The following NRG4 variants were observed in gnomAD, a reference collection of about 807,000 sequenced individuals.
NRG4 encodes pro-neuregulin-4, membrane-bound isoform.
NRG4 carries 10 observed loss-of-function variants against 15.0 expected under a neutral mutation model. The observed-to-expected ratio is 0.67, with a 90% confidence interval of 0.41 to 1.13. The LOEUF (loss-of-function observed/expected upper bound fraction) is 1.13. Among genes scored for constraint, NRG4 ranks in the 50% most tolerant of loss-of-function variants. NRG4 has a pLI of 0.00. For synonymous variants in NRG4, 41 were observed against 50.1 expected (o/e 0.82, Z 0.77); for missense variants, 139 against 140.2 (o/e 0.99, Z 0.04).
intron 5 of NRG4, among the ~76,000 whole-genome samples, chr15:76,020,093 T>C (rs2035106650): frequency 6.6e-6 from 1 of 152,210 alleles, no homozygotes; most frequent in Non-Finnish European, 1.5e-5. Flanking sequence ...ACTATTGTAA[T>C]TGTTTTGGGG....
upstream of NRG4, among the ~76,000 whole-genome samples, chr15:76,016,454 G>T (rs1341577282): frequency 6.6e-6 from 1 of 152,082 alleles, no homozygotes; most frequent in African/African-American, 2.4e-5. Context: ...GATCTTTCCT[G>T]CTTTCTCTTG....
chr15:75,949,729 T>C (rs887213233), intron 5 of NRG4, among the ~76,000 whole-genome samples: 1 of 152,250 alleles, frequency 6.6e-6, no homozygotes, highest in South Asian at 2.1e-4. Context: ...TTAGCTCTTA[T>C]ATTTAGACCC....
rs73449064 is a variant in NRG4, at chr15:75,971,353, G to T, written c.105-9379C>A. The T allele has an allele frequency of 2.7e-3, 844 of 308,218 alleles. 4 individuals carry two copies. Among genetic ancestry groups the T allele is most frequent in the African/African-American group, 0.018 (771 of 43,952 alleles). The allele number at this position is 308,218 out of a possible 1,614,324, so 19.1% of individuals were successfully genotyped here. A position where few individuals can be genotyped will look rare whatever the true frequency, so the allele number is the denominator to read the frequency against. On this transcript the variant is annotated intron_variant, in intron 3 of 5. Coordinates refer to ENST00000394907, the MANE Select transcript of NRG4 (RefSeq NM_138573.4). ...ATTGGGTGAGATGACAGAGACTCTG[G>T]TTATACTTAAAAAAAAATTTGTCTA...
At chr15:75,959,777 T>G (rs1162728261) in intron 4 of NRG4, among the ~76,000 whole-genome samples, 1 of 152,198 alleles carries the variant, frequency 6.6e-6, no homozygotes, top group Non-Finnish European at 1.5e-5. Context: ...AGCTACCATG[T>G]CCAGCCACCT....
rs60453624 is a variant in NRG4, at chr15:75,993,392, T to TAA, written c.104+15806_104+15807dup. The stretch of plus-strand genomic sequence containing the variant: ...ATTTGACAAGTCACTGAGGATTCTG[T>TAA]AAAAAAAAAAAAAAAAAAAAAAAAA... On this transcript the variant is annotated intron_variant, in intron 3 of 5. Coordinates refer to ENST00000394907, the MANE Select transcript of NRG4 (RefSeq NM_138573.4). Among the ~76,000 whole-genome samples, 259 of 72,122 alleles carry TAA rather than the reference T, an allele frequency of 3.6e-3. 3 individuals are homozygous for TAA. Among genetic ancestry groups the TAA allele is most frequent in the Middle Eastern group, 7.7e-3 (1 of 130 alleles). The allele number at this position is 72,122 out of a possible 152,430, so 47.3% of individuals were successfully genotyped here. A position where few individuals can be genotyped will look rare whatever the true frequency, so the allele number is the denominator to read the frequency against.
At chr15:76,026,572 TACTACAC>T (rs2035320653) in intron 5 of NRG4, among the ~76,000 whole-genome samples, 1 of 152,106 alleles carries the variant, frequency 6.6e-6, no homozygotes, top group Non-Finnish European at 1.5e-5. Context: ...AAAAGACAAT[TACTACAC>T]TCATAAAAAC....
chr15:76,028,132 T>C (rs2035364411), intron 5 of NRG4, among the ~76,000 whole-genome samples: 1 of 150,074 alleles, frequency 6.7e-6, no homozygotes, highest in Non-Finnish European at 1.5e-5. Context: ...AAGAAAAAAA[T>C]CAAACTCAAA....
At chr15:76,014,223 C>T (rs990250500), upstream of NRG4, among the ~76,000 whole-genome samples, 3 of 151,884 alleles carry the variant, frequency 2.0e-5, no homozygotes, top group Non-Finnish European at 4.4e-5. Flanking sequence ...GTTTAAGTTC[C>T]TTGTAGATTC....
intron 4 of NRG4, among the ~76,000 whole-genome samples, chr15:76,047,635 G>A (rs1488894882): frequency 6.7e-6 from 1 of 149,766 alleles, no homozygotes; most frequent in Admixed American, 6.6e-5. Flanking sequence ...GGAGAGGGAA[G>A]GATAAAGGGT....
chr15:75,980,268 G>GTCT (rs2033551127), intron 3 of NRG4, among the ~76,000 whole-genome samples: 1 of 152,084 alleles, frequency 6.6e-6, no homozygotes, highest in African/African-American at 2.4e-5. Flanking sequence ...TTTCCAAAAT[G>GTCT]TCTGGACTCC....
At chr15:75,944,694 C>A (rs1259355785) in intron 5 of NRG4, among the ~76,000 whole-genome samples, 1 of 152,162 alleles carries the variant, frequency 6.6e-6, no homozygotes, top group Non-Finnish European at 1.5e-5. Flanking sequence ...AATCGGCTCT[C>A]CTCATCAGAG....
rs149454492 is a variant in NRG4, at chr15:75,969,588, A to G, written c.105-7614T>C. On this transcript the variant is annotated intron_variant, in intron 3 of 5. Transcript: ENST00000394907. ...AGTAAGACAAACTCAGGTAAAGAGA[A>G]GTAGACCTAAGAGAGCAGGTACGTT... Among the ~76,000 whole-genome samples, 755 of 152,366 alleles carry G rather than the reference A, an allele frequency of 5.0e-3. 8 individuals are homozygous for G. The highest frequency in any genetic ancestry group is 0.017 in the African/African-American group (714 of 41,584).
At chr15:75,959,042 G>A (rs1001707706) in intron 4 of NRG4, 4 of 273,020 alleles carry the variant, frequency 1.5e-5, no homozygotes, top group Admixed American at 1.4e-4. Context: ...GTGCAGTAGT[G>A]CAGTCATGGC....
At chr15:75,954,099 A>G (rs1225932563) in intron 5 of NRG4, among the ~76,000 whole-genome samples, 1 of 152,062 alleles carries the variant, frequency 6.6e-6, no homozygotes, top group African/African-American at 2.4e-5. Context: ...GGGACTCAAC[A>G]TTATGCCACC....
chr15:76,013,746 G>A (rs1301423503), upstream of NRG4, among the ~76,000 whole-genome samples: 1 of 152,118 alleles, frequency 6.6e-6, no homozygotes, highest in Non-Finnish European at 1.5e-5. Flanking sequence ...CTATCATTGA[G>A]GGGAATTTGG....
At chr15:76,037,723 T>C (rs2035626834) in intron 4 of NRG4, among the ~76,000 whole-genome samples, 2 of 151,722 alleles carry the variant, frequency 1.3e-5, no homozygotes, top group African/African-American at 4.8e-5. Flanking sequence ...CCTAAGGGAG[T>C]GCTTGCACTA....
chr15:76,021,183 T>C (rs2141927487), intron 5 of NRG4, among the ~76,000 whole-genome samples: 1 of 152,336 alleles, frequency 6.6e-6, no homozygotes, highest in Non-Finnish European at 1.5e-5. Context: ...GCCTGTGCTG[T>C]ATAAACAGAA....
At chr15:75,971,216 T>C (rs772156935) in intron 3 of NRG4, 3 of 455,828 alleles carry the variant, frequency 6.6e-6, no homozygotes, top group Non-Finnish European at 1.3e-5. Context: ...TTGTGACATC[T>C]ATTGGTTCCC....
At chr15:75,968,311 G>A (rs551634886) in intron 3 of NRG4, among the ~76,000 whole-genome samples, 1 of 152,286 alleles carries the variant, frequency 6.6e-6, no homozygotes, top group East Asian at 1.9e-4. Flanking sequence ...TCTAAGGCTG[G>A]GTGTGGTGGC....
Sources: gnomAD v4.1 joint callset for allele counts (sites outside exome capture counted in the v4.1 genomes callset) on GRCh38, gnomAD v4.1.1 for gene constraint, MANE v1.5 for transcripts, NCBI Gene and HGNC (gene_info 2026-07-23, HGNC 2026-07-21) for gene names.